Variants in SLC44A5 observed in about 807,000 individuals in gnomAD.
SLC44A5 encodes the protein solute carrier family 44 member 5.
In SLC44A5, 57 loss-of-function variants were observed where a neutral mutation model predicts 101.8. That is an observed-to-expected ratio of 0.56 (90% CI 0.45 to 0.70). The LOEUF (loss-of-function observed/expected upper bound fraction) is 0.70. Ranked by LOEUF, SLC44A5 falls within the 30% of genes least tolerant of loss-of-function variation. The pLI is 0.00. For synonymous variants in SLC44A5, 281 were observed against 290.9 expected (o/e 0.97, Z 0.35); for missense variants, 737 against 853.1 (o/e 0.86, Z 1.70).
At chr1:75,468,322 A>G (rs1410822367) in intron 2 of SLC44A5, among the ~76,000 whole-genome samples, 1 of 152,222 alleles carries the variant, frequency 6.6e-6, no homozygotes, top group African/African-American at 2.4e-5. Context: ...TGCTGGGTAT[A>G]CACCCAAAAG....
At chr1:75,204,668 AAGAT>A (rs141022231) in intron 23 of SLC44A5, 13,976 of 151,912 alleles carry the variant, frequency 0.092, 905 homozygotes, top group African/African-American at 0.18. Context: ...ATTTTTTATA[AAGAT>A]AGATGGGGTT....
intron 2 of SLC44A5, among the ~76,000 whole-genome samples, chr1:75,483,179 T>C (rs1395049689): frequency 6.6e-6 from 1 of 152,172 alleles, no homozygotes; most frequent in Non-Finnish European, 1.5e-5. Flanking sequence ...TGGCCAAAAC[T>C]GGCCTGAGGG....
At chr1:75,661,402 A>AC in the SLC44A5 span, among the ~76,000 whole-genome samples, 1 of 148,924 alleles carries the variant, frequency 6.7e-6, no homozygotes, top group African/African-American at 2.5e-5. Context: ...AAAAAAAAAA[A>AC]AAAAAAAAAA....
chr1:75,417,065 G>T (rs2799048), intron 2 of SLC44A5, among the ~76,000 whole-genome samples: 38,936 of 151,942 alleles, frequency 0.26, 5,345 homozygotes, highest in African/African-American at 0.35. Flanking sequence ...GTGAAGCTAC[G>T]AGATTTGGGA....
rs549143191 is a variant in SLC44A5, at chr1:75,291,498, A to G, written c.175+9114T>C. ...TAAAATTCCAATTCTGACACGTGCTACAAAGGAATCATGAATAACATGATT... is the reference window on the plus strand; with the variant it reads ...TAAAATTCCAATTCTGACACGTGCTGCAAAGGAATCATGAATAACATGATT... On this transcript the variant is annotated intron_variant, in intron 5 of 23. Transcript: ENST00000370859. Among the ~76,000 whole-genome samples, 4 of 152,318 alleles carry G rather than the reference A, an allele frequency of 2.6e-5. No homozygotes were observed. In the East Asian group the frequency reaches 7.7e-4, roughly 29 times the overall value.
chr1:75,487,996 A>G (rs1668240764), intron 2 of SLC44A5, among the ~76,000 whole-genome samples: 1 of 152,222 alleles, frequency 6.6e-6, no homozygotes, highest in African/African-American at 2.4e-5. Context: ...TGCAAACCCT[A>G]TTGTGAACTG....
chr1:75,425,106 T>C (rs1664232875), intron 2 of SLC44A5, among the ~76,000 whole-genome samples: 1 of 152,228 alleles, frequency 6.6e-6, no homozygotes, highest in African/African-American at 2.4e-5. Flanking sequence ...TAAGCACAAG[T>C]TGTTCAAAAG....
chr1:75,630,424 G>C, the SLC44A5 span, among the ~76,000 whole-genome samples: 1 of 152,134 alleles, frequency 6.6e-6, no homozygotes, highest in Non-Finnish European at 1.5e-5. Context: ...TGCGTGTTCA[G>C]CCGCCAGACT....
the SLC44A5 span, among the ~76,000 whole-genome samples, chr1:75,670,533 T>C: frequency 6.6e-6 from 1 of 152,210 alleles, no homozygotes; most frequent in Admixed American, 6.5e-5. Flanking sequence ...TATTTGACAA[T>C]TATATAAATA....
At chr1:75,211,345 A>T in intron 23 of SLC44A5, 123 bp downstream of exon 23, 1 of 640,890 alleles carries the variant, frequency 1.6e-6, no homozygotes, top group Non-Finnish European at 2.7e-6. Flanking sequence ...TTTCCAGATA[A>T]ACACGTTTTG....
At chr1:75,214,773 C>A in intron 19 of SLC44A5, 95 bp from the exon 20 acceptor site, 1 of 969,970 alleles carries the variant, frequency 1.0e-6, no homozygotes, top group East Asian at 2.5e-5. Context: ...AAATTAATTC[C>A]TGTCATTTGT....
At chr1:75,520,775 T>C (rs1051107669) in intron 2 of SLC44A5, among the ~76,000 whole-genome samples, 5 of 152,198 alleles carry the variant, frequency 3.3e-5, no homozygotes, top group African/African-American at 1.2e-4. Flanking sequence ...CTTTAGAGTA[T>C]GCTTGTAAGA....
At chr1:75,641,688 A>G in the SLC44A5 span, 1 of 1,534,092 alleles carries the variant, frequency 6.5e-7, no homozygotes, top group Admixed American at 1.7e-5. Flanking sequence ...ACCTCTCTCC[A>G]ATCTTGTATG....
At chr1:75,343,949 T>C (rs1033800922) in intron 3 of SLC44A5, among the ~76,000 whole-genome samples, 1 of 152,268 alleles carries the variant, frequency 6.6e-6, no homozygotes, top group South Asian at 2.1e-4. Flanking sequence ...CCAACACACA[T>C]GGCTTTTTAC....
the SLC44A5 span, among the ~76,000 whole-genome samples, chr1:75,676,170 G>A: frequency 8.5e-5 from 13 of 152,108 alleles, no homozygotes; most frequent in East Asian, 3.9e-4. Context: ...TGGAAATACC[G>A]TTTGATGCAG....
chr1:75,619,070 CA>C, the SLC44A5 span, among the ~76,000 whole-genome samples: 2 of 12,162 alleles, frequency 1.6e-4, no homozygotes, highest in Non-Finnish European at 3.2e-4. Context: ...AACTCTGTCT[CA>C]AAAAAAAAGG....
intron 3 of SLC44A5, among the ~76,000 whole-genome samples, chr1:75,368,674 A>ACACACAC (rs1553167852): frequency 6.7e-6 from 1 of 148,270 alleles, no homozygotes; most frequent in South Asian, 2.1e-4. Flanking sequence ...CACACACACC[A>ACACACAC]CACTCAAATT....
At chr1:75,706,418 C>G in the SLC44A5 span, among the ~76,000 whole-genome samples, 1 of 152,052 alleles carries the variant, frequency 6.6e-6, no homozygotes, top group East Asian at 1.9e-4. Flanking sequence ...ATTATTTTCT[C>G]TATTTACTCT....
the SLC44A5 span, among the ~76,000 whole-genome samples, chr1:75,683,848 A>G: frequency 1.1e-4 from 16 of 152,256 alleles, no homozygotes; most frequent in East Asian, 1.7e-3. Flanking sequence ...AAAGACATGT[A>G]TAGATTGAAA....
Sources: gnomAD v4.1 joint callset for allele counts (sites outside exome capture counted in the v4.1 genomes callset) on GRCh38, gnomAD v4.1.1 for gene constraint, MANE v1.5 for transcripts, NCBI Gene and HGNC (gene_info 2026-07-23, HGNC 2026-07-21) for gene names.